ANAPC4: variants seen among roughly 807,000 people sequenced by gnomAD.
ANAPC4 encodes the protein anaphase-promoting complex subunit 4.
Under a neutral mutation model 119.8 loss-of-function variants are expected in ANAPC4, and 63 were observed. That is an observed-to-expected ratio of 0.53 (90% confidence interval 0.43 to 0.65). The LOEUF (loss-of-function observed/expected upper bound fraction) is 0.65. Among genes scored for constraint, ANAPC4 ranks in the 30% least tolerant of loss-of-function variants. ANAPC4 has a pLI of 0.00. For missense variants in ANAPC4, 716 were observed against 945.1 expected (o/e 0.76, Z 3.18); for synonymous variants, 283 against 318.6 (o/e 0.89, Z 1.19).
chr4:25,390,426 G>GT (rs768016403), intron 8 of ANAPC4, among the ~76,000 whole-genome samples: 21 of 151,264 alleles, frequency 1.4e-4, no homozygotes, highest in Non-Finnish European at 2.7e-4. Flanking sequence ...AATTAGTCAA[G>GT]TTTTTTTTTC....
In ANAPC4 at chr4:25,406,911, C is replaced by A. The variant is rs375047789; in HGVS notation, c.1374+26C>A. 10 of 1,520,774 alleles carry A rather than the reference C, an allele frequency of 6.6e-6. No homozygotes were observed. In the African/African-American group the frequency reaches 1.4e-4, roughly 21 times the overall value. 94.2% of individuals were successfully genotyped at this position (1,520,774 alleles called of 1,614,324 possible). A position where few individuals can be genotyped will look rare whatever the true frequency, so the allele number is the denominator to read the frequency against. On this transcript the variant is annotated intron_variant, in intron 19 of 28. Transcript: ENST00000315368. ...GTAAGAAGTTGATATTTCTGTAATG[C>A]AGTTTAAAAAAAAATTACAGTAAAC...
rs3214036 is a variant in ANAPC4 at position 25,418,286 on chromosome 4, G to A, written c.2331G>A (p.Ser777=). The A allele has an allele frequency of 9.9e-6, 16 of 1,614,006 alleles. No homozygotes were observed. Among genetic ancestry groups the A allele is most frequent in the South Asian group, 5.5e-5 (5 of 91,066 alleles). The change falls in exon 29 of 29, where the codon TCG becomes TCA. Residue 777 remains serine (S), a synonymous_variant. Transcript: ENST00000315368. ...KPVKIKEEVL[S]ESEAENQQAG... ...TAAAAATAAAGGAAGAAGTGTTGTCGGAGTCAGAGGCAGAGAACCAACAAG... is the reference window on the plus strand; with the variant it reads ...TAAAAATAAAGGAAGAAGTGTTGTCAGAGTCAGAGGCAGAGAACCAACAAG...
chr4:25,414,579 A>G lies in ANAPC4; in HGVS notation c.1725-20A>G, dbSNP rs1463341497. 2 of 1,552,178 alleles carry G rather than the reference A, an allele frequency of 1.3e-6. No homozygotes were observed. Among genetic ancestry groups the G allele is most frequent in the Admixed American group, 2.0e-5 (1 of 49,794 alleles). On this transcript the variant is annotated intron_variant, in intron 24 of 28. Coordinates refer to ENST00000315368, the MANE Select transcript of ANAPC4 (RefSeq NM_013367.3). ...TATCCATCAATAGTTAAAAAATATT[A>G]TGACAATTTTTTTTCTTAGGTGGAA...
intron 8 of ANAPC4, among the ~76,000 whole-genome samples, 177 bp from the exon 9 acceptor site, chr4:25,390,734 C>G (rs551918175): frequency 1.3e-5 from 2 of 152,274 alleles, no homozygotes; most frequent in East Asian, 3.9e-4. Context: ...TTTTTGTGGC[C>G]TTGTAACTAG....
intron 2 of ANAPC4, among the ~76,000 whole-genome samples, chr4:25,379,972 A>G (rs1285535692): frequency 6.6e-6 from 1 of 152,238 alleles, no homozygotes; most frequent in Admixed American, 6.5e-5. Context: ...TGATATGTCT[A>G]AGATCCATGG....
chr4:25,399,596 C>T (rs1319093026), intron 16 of ANAPC4, among the ~76,000 whole-genome samples: 2 of 152,006 alleles, frequency 1.3e-5, no homozygotes, highest in Non-Finnish European at 2.9e-5. Context: ...ACACAGTGTC[C>T]GTCATCCACC....
intron 21 of ANAPC4, among the ~76,000 whole-genome samples, chr4:25,411,556 TA>T (rs952908103): frequency 6.6e-6 from 1 of 152,156 alleles, no homozygotes; most frequent in African/African-American, 2.4e-5. Flanking sequence ...GTGTGGTGGG[TA>T]AAAGTTGGTG....
Position 25,416,847 on chromosome 4 carries a change from T to G in ANAPC4, c.2075+249T>G, listed in dbSNP as rs1577405123. The G allele has an allele frequency of 1.0e-5, 3 of 288,406 alleles. No homozygotes were observed. The East Asian group carries it at 1.8e-4, about 17-fold the overall frequency. The allele number at this position is 288,406 out of a possible 1,614,324, so 17.9% of individuals were successfully genotyped here. A position where few individuals can be genotyped will look rare whatever the true frequency, so the allele number is the denominator to read the frequency against. On this transcript the variant is annotated intron_variant, in intron 27 of 28. Transcript: ENST00000315368. ...AATCAAGGTGGGGAATTATTTGGAG[T>G]GGATAATGGGACTTCTTTTAGTTAC...
chr4:25,417,942 T>A, intron 28 of ANAPC4: 1 of 850,102 alleles, frequency 1.2e-6, no homozygotes, highest in Non-Finnish European at 1.7e-6. Context: ...TAGTTAATAA[T>A]AATACTAGAT....
Position 25,395,858 on chromosome 4 carries a change from C to T in ANAPC4, c.1062-806C>T, listed in dbSNP as rs79747074. ...ACCCTCTGGACTAGTTGGGCTCTTT[C>T]AGTACACACTGTCCTTTGAATGTAT... On this transcript the variant is annotated intron_variant, in intron 14 of 28. Transcript: ENST00000315368. Among the ~76,000 whole-genome samples, 341 of 152,302 alleles carry T rather than the reference C, an allele frequency of 2.2e-3. 5 individuals are homozygous for T. Among genetic ancestry groups the T allele is most frequent in the African/African-American group, 7.9e-3 (329 of 41,560 alleles).
intron 20 of ANAPC4, among the ~76,000 whole-genome samples, chr4:25,409,225 G>A (rs1723435402): frequency 6.6e-6 from 1 of 152,192 alleles, no homozygotes; most frequent in African/African-American, 2.4e-5. Context: ...ACAGTACATT[G>A]ACAATGGATA....
rs191810155 is a variant in ANAPC4 at position 25,409,407 on chromosome 4, C to G, written c.1432-291C>G. ...CAAACTACCAACTGTTCAGCAGTTT[C>G]TTTAATTTTTAAGATAGTAGCTAGC... is the stretch of plus-strand genomic sequence containing the variant. On this transcript the variant is annotated intron_variant, in intron 20 of 28. Transcript: ENST00000315368. Among the ~76,000 whole-genome samples, 136 of 152,232 alleles carry G rather than the reference C, an allele frequency of 8.9e-4. 1 individual carries two copies. The highest frequency in any genetic ancestry group is 7.9e-3 in the Admixed American group (121 of 15,278).
intron 27 of ANAPC4, chr4:25,417,151 G>T (rs536130067): frequency 6.6e-6 from 1 of 151,888 alleles, no homozygotes; most frequent in Admixed American, 6.6e-5. Flanking sequence ...TTGAAACAGG[G>T]CCTCTCTTTG....
chr4:25,381,915 C>A (rs1376439538), intron 3 of ANAPC4, among the ~76,000 whole-genome samples: 1 of 150,896 alleles, frequency 6.6e-6, no homozygotes, highest in Non-Finnish European at 1.5e-5. Context: ...CCACTGCACT[C>A]CAGTGTGGGC....
chr4:25,396,934 A>G, intron 16 of ANAPC4, 35 bp downstream of exon 16: 1 of 1,565,130 alleles, frequency 6.4e-7, no homozygotes, highest in Non-Finnish European at 8.7e-7. Flanking sequence ...CACTGACCTA[A>G]GAATATGTCA....
chr4:25,415,381 A>T, intron 25 of ANAPC4, 85 bp from the exon 26 acceptor site: 14 of 1,039,238 alleles, frequency 1.3e-5, no homozygotes, highest in Non-Finnish European at 2.0e-5. Flanking sequence ...ACTGACCCTG[A>T]CAATCATGTT....
intron 9 of ANAPC4, 75 bp downstream of exon 9, chr4:25,391,090 C>A: frequency 9.0e-7 from 1 of 1,109,362 alleles, no homozygotes; most frequent in Non-Finnish European, 1.3e-6. Context: ...TTATCCACAT[C>A]TCACTGTATT....
At position 25,405,767 on chromosome 4, in the gene ANAPC4, AAG is replaced by A. The variant is rs1417661041; in HGVS notation, c.1317+150_1317+151del. The A allele has an allele frequency of 3.1e-5, 19 of 620,994 alleles. No homozygotes were observed. In the East Asian group the frequency reaches 5.2e-4, roughly 17 times the overall value. The allele number at this position is 620,994 out of a possible 1,614,324, so 38.5% of individuals were successfully genotyped here. On this transcript the variant is annotated intron_variant, in intron 18 of 28. Coordinates refer to ENST00000315368, the MANE Select transcript of ANAPC4 (RefSeq NM_013367.3). This position sits in a 1 kb window ranked among gnomAD's most constrained non-coding sequence, Gnocchi z 4.6. ...TCCCTTAAGCACCACCTTTTTAAAA[AAG>A]AAATTTGCATGTTTTGTGTATTGTT...
rs1443425282 is a variant in ANAPC4, at chr4:25,383,349, T to C, written c.324T>C (p.Ala108=). The change falls in exon 4 of 29, where the codon GCT becomes GCC. Residue 108 remains alanine (A), a synonymous_variant. Transcript: ENST00000315368. ...GCTTACACTCTTTTTCTGTGGAGGCTCCAGTTTCCTGTATGCATTGGATGG... is the reference window on the plus strand; with the variant it reads ...GCTTACACTCTTTTTCTGTGGAGGCCCCAGTTTCCTGTATGCATTGGATGG... ...PESLHSFSVE[A]PVSCMHWMEV... The C allele has an allele frequency of 1.2e-6, 2 of 1,613,330 alleles. No homozygotes were observed. The highest frequency in any genetic ancestry group is 2.2e-5 in the East Asian group (1 of 44,838).
Sources: gnomAD v4.1 joint callset for allele counts (sites outside exome capture counted in the v4.1 genomes callset) on GRCh38, gnomAD v4.1.1 for gene constraint, Gnocchi (gnomAD v3.1) non-coding constraint, MANE v1.5 for transcripts, NCBI Gene and HGNC (gene_info 2026-07-23, HGNC 2026-07-21) for gene names.